CPLANE1: variants seen among roughly 807,000 people sequenced by gnomAD.
CPLANE1 encodes the protein ciliogenesis and planar polarity effector complex subunit 1, also known as ciliogenesis and planar polarity effector 1.
A neutral mutation model predicts 362.5 loss-of-function variants in CPLANE1; 263 were observed. The observed-to-expected ratio is 0.73, with a 90% confidence interval of 0.66 to 0.80. The LOEUF is 0.80. Ranked by LOEUF, CPLANE1 falls within the 30% of genes least tolerant of loss-of-function variation. CPLANE1 has a pLI of 0.00. For missense variants in CPLANE1, 3,461 were observed against 3,793.4 expected, an observed-to-expected ratio of 0.91 and a Z score of 2.30; for synonymous variants, 1,212 against 1,302.6, an observed-to-expected ratio of 0.93 and a Z score of 1.50.
rs1227544491 is a variant in CPLANE1, at chr5:37,140,740, T to G, written c.8633-1370A>C. The G allele has an allele frequency of 3.0e-6, 3 of 985,318 alleles. No individual in the cohort carries two copies. In the African/African-American group the frequency reaches 5.2e-5, roughly 17 times the overall value. The allele number at this position is 985,318 out of a possible 1,614,324, so 61.0% of individuals were successfully genotyped here. Reference sequence around the variant, plus strand: ...TGAAGTGTTTGTCATCAAAGGTTGGTAAGTAACAAGTTGCCCTTTCTCCTA... The same window carrying G: ...TGAAGTGTTTGTCATCAAAGGTTGGGAAGTAACAAGTTGCCCTTTCTCCTA... On this transcript the variant is annotated intron_variant, in intron 44 of 52. Coordinates refer to ENST00000651892, the MANE Select transcript of CPLANE1 (RefSeq NM_001384732.1).
intron 43 of CPLANE1, among the ~76,000 whole-genome samples, chr5:37,146,741 T>A (rs1342021513): frequency 6.6e-6 from 1 of 152,006 alleles, no homozygotes. Context: ...TTGATAATGA[T>A]TAAAGTTTGT....
At chr5:37,099,824 A>G in the CPLANE1 span, among the ~76,000 whole-genome samples, 1 of 151,336 alleles carries the variant, frequency 6.6e-6, no homozygotes, top group Non-Finnish European at 1.5e-5. Context: ...TGACATCTTA[A>G]TTATCTCATT....
At chr5:37,229,448 A>G (rs1481282792) in intron 9 of CPLANE1, among the ~76,000 whole-genome samples, 1 of 151,822 alleles carries the variant, frequency 6.6e-6, no homozygotes, top group African/African-American at 2.4e-5. Flanking sequence ...CTGAGGCAGG[A>G]GAATGGCATG....
chr5:37,109,848 G>T (rs1251642330), intron 51 of CPLANE1, among the ~76,000 whole-genome samples: 1 of 152,210 alleles, frequency 6.6e-6, no homozygotes, highest in African/African-American at 2.4e-5. Context: ...GTAGAGATGG[G>T]GTTTCACCAT....
intron 46 of CPLANE1, among the ~76,000 whole-genome samples, chr5:37,128,574 C>T (rs999724901): frequency 1.3e-5 from 2 of 151,928 alleles, no homozygotes; most frequent in Non-Finnish European, 2.9e-5. Flanking sequence ...AAAATACCAC[C>T]ATAAGGGCCA....
chr5:37,159,076 G>A lies in CPLANE1; in HGVS notation c.7691-731C>T, dbSNP rs549000049. ...TGGGATTACAGGCATGAGCCACTGC[G>A]CCCAGCTAATTCACATTCTTTTTTT... is the stretch of plus-strand genomic sequence containing the variant. On this transcript the variant is annotated intron_variant, in intron 38 of 52. Transcript: ENST00000651892. Among the ~76,000 whole-genome samples the A allele has an allele frequency of 2.9e-4, 39 of 136,566 alleles. 1 individual carries two copies. The South Asian group carries it at 7.9e-3, about 28-fold the overall frequency. 89.6% of individuals were successfully genotyped at this position (136,566 alleles called of 152,430 possible).
At chr5:37,142,127 G>A in intron 44 of CPLANE1, 183 bp downstream of exon 44, 1 of 1,167,420 alleles carries the variant, frequency 8.6e-7, no homozygotes, top group East Asian at 3.4e-5. Flanking sequence ...TATGTCTTAT[G>A]AAGGTGACAA....
Position 37,145,598 on chromosome 5 carries a change from A to C in CPLANE1, c.8461+2583T>G, listed in dbSNP as rs73095735. 7.3e-3 allele frequency among the ~76,000 whole-genome samples: 1,106 copies of C among 152,182 alleles called. 18 individuals are homozygous for C. Among genetic ancestry groups the C allele is most frequent in the African/African-American group, 0.025 (1,040 of 41,516 alleles). On this transcript the variant is annotated intron_variant, in intron 43 of 52. Transcript: ENST00000651892. ...GGTATGCACCACCATGTCCAAATTC[A>C]CCTTAAATTTTAACTCACCTATGAA...
In CPLANE1 at chr5:37,227,673, G is replaced by T; in HGVS notation, c.1266C>A (p.Thr422=). 6.4e-7 allele frequency: 1 copy of T among 1,551,394 alleles called. No homozygotes were observed. Among genetic ancestry groups the T allele is most frequent in the Non-Finnish European group, 8.7e-7 (1 of 1,146,882 alleles). ...LVISDGYMVT[T]LRFLDSLSPS... is the part of the protein sequence containing the mutation. ...GAGATAGGCTATCAAGAAATCGAAG[G>T]GTTGTGACCATATATCCATCAGATA... Residue 422 remains threonine (T), a synonymous_variant, in exon 10 of 53, where the codon ACC becomes ACA. Transcript: ENST00000651892.
intron 51 of CPLANE1, among the ~76,000 whole-genome samples, chr5:37,108,713 A>G (rs1051659733): frequency 6.6e-6 from 1 of 152,232 alleles, no homozygotes; most frequent in Admixed American, 6.5e-5. Flanking sequence ...CTTTAAGACA[A>G]GAAAATCTAG....
At chr5:37,159,194 C>G (rs913886930) in intron 38 of CPLANE1, among the ~76,000 whole-genome samples, 1 of 142,582 alleles carries the variant, frequency 7.0e-6, no homozygotes, top group African/African-American at 2.6e-5. Flanking sequence ...TCACTGCAAG[C>G]TCCGCTTCCC....
At chr5:37,204,226 A>C (rs1479685139) in intron 18 of CPLANE1, among the ~76,000 whole-genome samples, 2 of 152,206 alleles carry the variant, frequency 1.3e-5, no homozygotes, top group Non-Finnish European at 2.9e-5. Context: ...TCAGATTTCC[A>C]AGCATTATAG....
rs751011389 is a variant in CPLANE1, at chr5:37,115,057, G to A, written c.9311-8C>T. 2 of 1,562,658 alleles carry A rather than the reference G, an allele frequency of 1.3e-6. No individual in the cohort carries two copies. Among genetic ancestry groups the A allele is most frequent in the Non-Finnish European group, 1.8e-6 (2 of 1,136,290 alleles). On this transcript the variant is annotated splice_polypyrimidine_tract_variant and splice_region_variant and intron_variant, in intron 50 of 52. Transcript: ENST00000651892. ...TGGTGAAAGTGGCAGTTCCTATACA[G>A]AGAGACAAACATTATTAGCCTTCCA...
intron 46 of CPLANE1, among the ~76,000 whole-genome samples, chr5:37,130,862 T>C (rs1243861608): frequency 1.3e-5 from 2 of 152,204 alleles, no homozygotes; most frequent in Admixed American, 6.5e-5. Flanking sequence ...TCTTTCCTCC[T>C]ATCTAGGAAA....
intron 34 of CPLANE1, among the ~76,000 whole-genome samples, chr5:37,167,568 G>A (rs1778610352): frequency 6.6e-6 from 1 of 152,178 alleles, no homozygotes; most frequent in Non-Finnish European, 1.5e-5. Flanking sequence ...CACAAGGTCA[G>A]GAGTTTGAGA....
intron 11 of CPLANE1, 51 bp from the exon 12 acceptor site, chr5:37,227,124 C>T: frequency 6.6e-7 from 1 of 1,504,570 alleles, no homozygotes; most frequent in East Asian, 2.5e-5. Flanking sequence ...AATACCTTAT[C>T]AATAGCATCA....
intron 6 of CPLANE1, among the ~76,000 whole-genome samples, chr5:37,241,095 CA>C (rs907357640): frequency 5.8e-4 from 88 of 151,728 alleles, no homozygotes; most frequent in African/African-American, 1.9e-3. Flanking sequence ...GAGATTACGT[CA>C]CTGCACTCCA....
At chr5:37,119,065 C>G (rs1397086252) in intron 50 of CPLANE1, among the ~76,000 whole-genome samples, 1 of 151,984 alleles carries the variant, frequency 6.6e-6, no homozygotes, top group Non-Finnish European at 1.5e-5. Flanking sequence ...TATTATAATA[C>G]GTTGTTAATA....
chr5:37,081,956 G>T, the CPLANE1 span, among the ~76,000 whole-genome samples: 1 of 152,080 alleles, frequency 6.6e-6, no homozygotes, highest in African/African-American at 2.4e-5. Flanking sequence ...GCCTAACATG[G>T]TGAATTCCTG....
Sources: gnomAD v4.1 joint callset for allele counts (sites outside exome capture counted in the v4.1 genomes callset) on GRCh38, gnomAD v4.1.1 for gene constraint, MANE v1.5 for transcripts, NCBI Gene and HGNC (gene_info 2026-07-23, HGNC 2026-07-21) for gene names.